Variants in HIF1AN observed in about 807,000 individuals in gnomAD.
HIF1AN encodes hypoxia inducible factor 1 subunit alpha inhibitor.
Under a neutral mutation model 47.7 loss-of-function variants are expected in HIF1AN, and 21 were observed. The observed-to-expected ratio is 0.44, with a 90% confidence interval of 0.31 to 0.63. The LOEUF (loss-of-function observed/expected upper bound fraction) is 0.63, where lower values mean the gene tolerates loss of function less well. Among genes scored for constraint, HIF1AN ranks in the 30% least tolerant of loss-of-function variants. The probability of loss-of-function intolerance (pLI) is 0.07; values close to 1 mark genes in which losing one functional copy is unlikely to be tolerated. For synonymous variants in HIF1AN, 152 were observed against 155.9 expected (o/e 0.98, Z 0.18); for missense variants, 320 against 432.7 (o/e 0.74, Z 2.31).
At chr10:100,545,121 G>A (rs1425473329) in intron 4 of HIF1AN, 25 bp downstream of exon 4, 2 of 1,606,382 alleles carry the variant, frequency 1.2e-6, no homozygotes, top group Non-Finnish European at 1.7e-6. Flanking sequence ...TCTGAGAAGG[G>A]TATAGAACTC....
chr10:100,536,808 C>CA, intron 2 of HIF1AN, 147 bp downstream of exon 2: 1 of 896,840 alleles, frequency 1.1e-6, no homozygotes. Context: ...TCTGGTCTTC[C>CA]AGCCTTTAAG....
In HIF1AN at chr10:100,556,065, G is replaced by A. The variant is rs925334460; in HGVS notation, c.*7928G>A. The stretch of plus-strand genomic sequence containing the variant: ...TCCATAGCAAGGGCTCAGTCTTTCT[G>A]TGTCTCTCAGTCTTTACCTCTCTTC... On this transcript the variant is annotated 3_prime_UTR_variant, in exon 8 of 8. Coordinates refer to ENST00000299163, the MANE Select transcript of HIF1AN (RefSeq NM_017902.3). 6.6e-6 allele frequency: 1 copy of A among 152,224 alleles called. No individual in the cohort carries two copies. The highest frequency in any genetic ancestry group is 1.9e-4 in the East Asian group (1 of 5,200). 9.4% of individuals were successfully genotyped at this position (152,224 alleles called of 1,614,324 possible).
rs1843243844 is a variant in HIF1AN, at chr10:100,559,950, A to T, written c.*11813A>T. ...TTGTTTGGCCAATACAAGTTTTTGA[A>T]AGTTTTAAAAAATTGACAACATTAA... On this transcript the variant is annotated 3_prime_UTR_variant, in exon 8 of 8. Transcript: ENST00000299163. The T allele has an allele frequency of 2.6e-5, 4 of 151,956 alleles. No homozygotes were observed. Among genetic ancestry groups the T allele is most frequent in the Admixed American group, 2.6e-4 (4 of 15,248 alleles). The allele number at this position is 151,956 out of a possible 1,614,324, so 9.4% of individuals were successfully genotyped here.
intron 5 of HIF1AN, 78 bp from the exon 6 acceptor site, chr10:100,546,440 G>GCCCCCCCCCCCCCCCCCCCCCCCCC: frequency 1.3e-6 from 1 of 750,772 alleles, no homozygotes. Context: ...GCCCAACCCT[G>GCCCCCCCCCCCCCCCCCCCCCCCCC]CCACCCCCCC....
intron 2 of HIF1AN, among the ~76,000 whole-genome samples, chr10:100,537,753 T>G (rs1419980598): frequency 6.6e-6 from 1 of 152,236 alleles, no homozygotes; most frequent in Non-Finnish European, 1.5e-5. Context: ...TCTAGTCTCT[T>G]GCTTCACTCA....
At chr10:100,537,731 C>A (rs1852243637) in intron 2 of HIF1AN, among the ~76,000 whole-genome samples, 1 of 152,204 alleles carries the variant, frequency 6.6e-6, no homozygotes, top group African/African-American at 2.4e-5. Flanking sequence ...GGTGTCCAAC[C>A]CTGGGTTTCT....
intron 6 of HIF1AN, among the ~76,000 whole-genome samples, chr10:100,546,864 C>T (rs977333828): frequency 1.6e-4 from 24 of 152,078 alleles, no homozygotes; most frequent in Admixed American, 2.0e-4. Context: ...CTCAGCCTCC[C>T]GAGTAGTTGG....
intron 3 of HIF1AN, 64 bp from the exon 4 acceptor site, chr10:100,544,887 C>T (rs1843079156): frequency 1.3e-6 from 2 of 1,519,630 alleles, no homozygotes; most frequent in East Asian, 4.5e-5. Context: ...AGCACTGGGT[C>T]CTGTATTCCA....
chr10:100,548,440 G>A lies in HIF1AN; in HGVS notation c.*303G>A, dbSNP rs894481604. The A allele has an allele frequency of 5.4e-6, 2 of 370,366 alleles. No homozygotes were observed. The highest frequency in any genetic ancestry group is 9.8e-6 in the Non-Finnish European group (2 of 204,142). The allele number at this position is 370,366 out of a possible 1,614,324, so 22.9% of individuals were successfully genotyped here. On this transcript the variant is annotated 3_prime_UTR_variant, in exon 8 of 8. Coordinates refer to ENST00000299163, the MANE Select transcript of HIF1AN (RefSeq NM_017902.3). ...TGGTTGTCATCATGTCTGTGTGTAT[G>A]TTAGTCTGTCAACTTCGGAATGTGT... is the stretch of plus-strand genomic sequence containing the variant.
rs550557554 is a variant in HIF1AN at position 100,548,355 on chromosome 10, C to T, written c.*218C>T. Reference sequence around the variant, plus strand: ...CATACCCTTGCCTCTTGTGCCCCAGCACCTTCTCTCTCTGCCCCCCGCCTA... The same window carrying T: ...CATACCCTTGCCTCTTGTGCCCCAGTACCTTCTCTCTCTGCCCCCCGCCTA... On this transcript the variant is annotated 3_prime_UTR_variant, in exon 8 of 8. Coordinates refer to ENST00000299163, the MANE Select transcript of HIF1AN (RefSeq NM_017902.3). The T allele has an allele frequency of 1.6e-5, 8 of 491,166 alleles. No individual in the cohort carries two copies. In the South Asian group the frequency reaches 2.5e-4, roughly 15 times the overall value. 30.4% of individuals were successfully genotyped at this position (491,166 alleles called of 1,614,324 possible).
At position 100,550,086 on chromosome 10, in the gene HIF1AN, T is replaced by G. The variant is rs1288595675; in HGVS notation, c.*1949T>G. The G allele has an allele frequency of 1.3e-5, 2 of 152,236 alleles. No homozygotes were observed. The highest frequency in any genetic ancestry group is 2.9e-5 in the Non-Finnish European group (2 of 68,058). The allele number at this position is 152,236 out of a possible 1,614,324, so 9.4% of individuals were successfully genotyped here. A position where few individuals can be genotyped will look rare whatever the true frequency, so the allele number is the denominator to read the frequency against. The stretch of plus-strand genomic sequence containing the variant: ...AGGAAAAACTTGGCCACAGTCACAC[T>G]TGGAAAGATAGTAGATTATTTTCGT... On this transcript the variant is annotated 3_prime_UTR_variant, in exon 8 of 8. Transcript: ENST00000299163.
At chr10:100,545,190 G>A in intron 4 of HIF1AN, 94 bp downstream of exon 4, 1 of 1,366,258 alleles carries the variant, frequency 7.3e-7, no homozygotes, top group Non-Finnish European at 1.0e-6. Flanking sequence ...TGATATGCCA[G>A]GTTCGGATTA....
chr10:100,543,388 T>C (rs962702033), intron 3 of HIF1AN, among the ~76,000 whole-genome samples: 3 of 151,696 alleles, frequency 2.0e-5, no homozygotes, highest in Admixed American at 6.6e-5. Context: ...GAGATGGGGG[T>C]CTCCCTATGT....
In HIF1AN at chr10:100,536,396, GT is replaced by G; in HGVS notation, c.178-13del. The G allele has an allele frequency of 2.5e-6, 4 of 1,611,638 alleles. No homozygotes were observed. The highest frequency in any genetic ancestry group is 3.4e-6 in the Non-Finnish European group (4 of 1,178,472). Reference sequence around the variant, plus strand: ...TTACTTCATTTGGTGTTTTTCACCTGTTGTTTTCATTTAGGAGCCTGTGGTG... The same window carrying G: ...TTACTTCATTTGGTGTTTTTCACCTGTGTTTTCATTTAGGAGCCTGTGGTG... On this transcript the variant is annotated splice_polypyrimidine_tract_variant and intron_variant, in intron 1 of 7. Coordinates refer to ENST00000299163, the MANE Select transcript of HIF1AN (RefSeq NM_017902.3).
intron 2 of HIF1AN, among the ~76,000 whole-genome samples, chr10:100,540,339 T>C (rs775157178): frequency 2.6e-5 from 4 of 152,090 alleles, no homozygotes; most frequent in Non-Finnish European, 5.9e-5. Context: ...AGCAGGAGGA[T>C]TGCTTGAGCC....
chr10:100,545,841 TTTTGTTTG>T, intron 4 of HIF1AN, 94 bp from the exon 5 acceptor site: 1 of 758,522 alleles, frequency 1.3e-6, no homozygotes, highest in South Asian at 1.7e-5. Flanking sequence ...ATCGTTTTTT[TTTTGTTTG>T]TTTGTTTGTT....
At chr10:100,543,837 C>T (rs1843069329) in intron 3 of HIF1AN, among the ~76,000 whole-genome samples, 1 of 152,230 alleles carries the variant, frequency 6.6e-6, no homozygotes, top group Non-Finnish European at 1.5e-5. Flanking sequence ...TCCCAAAGTG[C>T]TGGCATTACA....
rs746337802 is a variant in HIF1AN at position 100,552,644 on chromosome 10, G to A, written c.*4507G>A. The A allele has an allele frequency of 1.2e-4, 18 of 152,478 alleles. No homozygotes were observed. The highest frequency in any genetic ancestry group is 2.9e-4 in the African/African-American group (12 of 41,562). 9.4% of individuals were successfully genotyped at this position (152,478 alleles called of 1,614,324 possible). On this transcript the variant is annotated 3_prime_UTR_variant, in exon 8 of 8. Transcript: ENST00000299163. ...CTGTCTCCTGCCTAGTCTCTCCAGC[G>A]GCCTCCTTACCAAGACCCTTTTTCC...
At chr10:100,536,169 G>T in intron 1 of HIF1AN, 34 bp downstream of exon 1, 1 of 1,560,466 alleles carries the variant, frequency 6.4e-7, no homozygotes, top group Non-Finnish European at 8.7e-7. Context: ...AGGGAGAGGA[G>T]GAAGGTACCC....
Sources: gnomAD v4.1 joint callset for allele counts (sites outside exome capture counted in the v4.1 genomes callset) on GRCh38, gnomAD v4.1.1 for gene constraint, MANE v1.5 for transcripts, NCBI Gene and HGNC (gene_info 2026-07-23, HGNC 2026-07-21) for gene names.